Variants in ACTA2 observed in about 807,000 individuals in gnomAD.
ACTA2 encodes the protein actin, aortic smooth muscle.
ACTA2 carries 12 observed loss-of-function variants against 39.5 expected under a neutral mutation model. The observed-to-expected ratio is 0.30, with a 90% CI of 0.19 to 0.49. ACTA2 has a LOEUF of 0.49. Ranked by LOEUF, ACTA2 falls within the 20% of genes least tolerant of loss-of-function variation. The pLI is 0.99. For synonymous variants in ACTA2, 158 were observed against 180.6 expected, an observed-to-expected ratio of 0.88 and a Z score of 1.00; for missense variants, 236 against 498.8, an observed-to-expected ratio of 0.47 and a Z score of 5.02.
At chr10:88,991,207 G>C (rs1311884078) in exon 1 of ACTA2, 1 of 551,612 alleles carries the variant, frequency 1.8e-6, no homozygotes, top group African/African-American at 1.9e-5. Flanking sequence ...TGCGCTCCAC[G>C]TTGAGGTGGG....
intron 1 of ACTA2, among the ~76,000 whole-genome samples, chr10:88,963,177 G>T (rs926989056): frequency 6.6e-5 from 10 of 151,210 alleles, no homozygotes; most frequent in Non-Finnish European, 1.0e-4. Context: ...CTTGGGTGGG[G>T]ACACAGCCAA....
chr10:88,942,192 A>G (rs1845868234), intron 4 of ACTA2, among the ~76,000 whole-genome samples: 1 of 152,160 alleles, frequency 6.6e-6, no homozygotes, highest in Admixed American at 6.5e-5. Context: ...TAGTTGATTA[A>G]TAGTGGCTTT....
At chr10:88,981,710 G>A (rs1045157287) in intron 1 of ACTA2, among the ~76,000 whole-genome samples, 7 of 152,088 alleles carry the variant, frequency 4.6e-5, no homozygotes, top group Non-Finnish European at 7.4e-5. Flanking sequence ...TGGGGGAAAC[G>A]GTAGATAAAA....
chr10:88,988,436 TG>T (rs200881561), intron 1 of ACTA2, among the ~76,000 whole-genome samples: 2,058 of 10,134 alleles, frequency 0.2, 51 homozygotes, highest in South Asian at 0.37. Context: ...TTTTTTGTTT[TG>T]TTTTTTATCT....
chr10:88,935,077 C>A lies in ACTA2; in HGVS notation c.*146G>T. 1.7e-6 allele frequency: 2 copies of A among 1,183,888 alleles called. No homozygotes were observed. The highest frequency in any genetic ancestry group is 2.4e-6 in the Non-Finnish European group (2 of 825,536). The allele number at this position is 1,183,888 out of a possible 1,614,324, so 73.3% of individuals were successfully genotyped here. On this transcript the variant is annotated 3_prime_UTR_variant, in exon 9 of 9. Transcript: ENST00000224784. ...GATCGGAGGCCAACGCAAGAAGTTACCAGTAGCCTATTTCAGATTTATTAA... is the reference window on the plus strand; with the variant it reads ...GATCGGAGGCCAACGCAAGAAGTTAACAGTAGCCTATTTCAGATTTATTAA...
At chr10:88,958,523 GACACCAGA>G (rs1564651843) in intron 1 of ACTA2, among the ~76,000 whole-genome samples, 1 of 152,176 alleles carries the variant, frequency 6.6e-6, no homozygotes, top group Non-Finnish European at 1.5e-5. Flanking sequence ...AGACCCATCT[GACACCAGA>G]AATTGAGTTC....
chr10:88,975,576 C>A (rs980693238), intron 1 of ACTA2, among the ~76,000 whole-genome samples: 1 of 151,980 alleles, frequency 6.6e-6, no homozygotes, highest in African/African-American at 2.4e-5. Context: ...AATGTGTGGG[C>A]TCTGGGCTTA....
At position 88,938,094 on chromosome 10, in the gene ACTA2, G is replaced by A. The variant is rs777180369; in HGVS notation, c.957C>T (p.Ile319=). ...PGIADRMQKE[I]TALAPSTMKI... ...TCATGGTGCTGGGTGCTAGGGCCGT[G>A]ATCTCCTTCTGCATTCGGTCGGCAA... Residue 319 remains isoleucine, a synonymous_variant, in exon 8 of 9, where the codon ATC becomes ATT. Transcript: ENST00000224784. 9.9e-6 allele frequency: 16 copies of A among 1,614,002 alleles called. No individual in the cohort carries two copies. Among genetic ancestry groups the A allele is most frequent in the Non-Finnish European group, 1.3e-5 (15 of 1,179,910 alleles).
At chr10:88,984,682 T>C (rs1013778452) in intron 1 of ACTA2, among the ~76,000 whole-genome samples, 2 of 151,670 alleles carry the variant, frequency 1.3e-5, no homozygotes, top group African/African-American at 2.4e-5. Flanking sequence ...TTCTTATGTT[T>C]AGTTATTCAT....
At chr10:88,987,535 C>A (rs908347543) in intron 1 of ACTA2, among the ~76,000 whole-genome samples, 4 of 152,208 alleles carry the variant, frequency 2.6e-5, no homozygotes, top group Non-Finnish European at 4.4e-5. Context: ...GGGCCACAAG[C>A]TCCCTTCACA....
At chr10:88,957,800 C>T (rs1165505748) in intron 1 of ACTA2, among the ~76,000 whole-genome samples, 1 of 152,084 alleles carries the variant, frequency 6.6e-6, no homozygotes, top group African/African-American at 2.4e-5. Context: ...TGGAGTCTTG[C>T]TCTGTCACCC....
At position 88,990,853 on chromosome 10, in the gene ACTA2, A is replaced by G. The variant is rs1042765709; in HGVS notation, c.-24+86T>C. On this transcript the variant is annotated intron_variant, in intron 1 of 4. Transcript: ENST00000415557. This position sits in a 1 kb window ranked among gnomAD's most constrained non-coding sequence, Gnocchi z 4.9. ...AGTACGGAGTTGGGGAAGCTCTTTC[A>G]CTTCGGAGGATTGCTCAACAACCAT... 4 of 1,614,142 alleles carry G rather than the reference A, an allele frequency of 2.5e-6. No homozygotes were observed. The highest frequency in any genetic ancestry group is 2.5e-6 in the Non-Finnish European group (3 of 1,180,016).
chr10:88,980,584 C>T (rs562142842), intron 1 of ACTA2, among the ~76,000 whole-genome samples: 1 of 152,134 alleles, frequency 6.6e-6, no homozygotes, highest in African/African-American at 2.4e-5. Context: ...TTCCCTGAGG[C>T]CTAACACAGT....
At chr10:88,949,916 G>A (rs1286875105) in intron 1 of ACTA2, among the ~76,000 whole-genome samples, 1 of 151,932 alleles carries the variant, frequency 6.6e-6, no homozygotes, top group African/African-American at 2.4e-5. Context: ...TATATTGAAT[G>A]TGTATTTCTT....
At chr10:88,938,429 CTA>C in intron 7 of ACTA2, 187 bp from the exon 8 acceptor site, 1 of 651,686 alleles carries the variant, frequency 1.5e-6, no homozygotes, top group Non-Finnish European at 2.7e-6. Flanking sequence ...TGCCTGCCTT[CTA>C]ATGAGGAAGG....
At chr10:88,969,934 T>A (rs555595557) in intron 1 of ACTA2, among the ~76,000 whole-genome samples, 1 of 152,256 alleles carries the variant, frequency 6.6e-6, no homozygotes, top group Admixed American at 6.5e-5. Flanking sequence ...TTATGTTGAA[T>A]GAATGAATGA....
In ACTA2 at chr10:88,990,507, T is replaced by TCCTCACCCTGACTTCTC; in HGVS notation, c.-24+415_-24+431dup. 1 of 587,464 alleles carries TCCTCACCCTGACTTCTC rather than the reference T, an allele frequency of 1.7e-6. No individual in the cohort carries two copies. The highest frequency in any genetic ancestry group is 3.2e-6 in the Non-Finnish European group (1 of 311,782). 36.4% of individuals were successfully genotyped at this position (587,464 alleles called of 1,614,324 possible). On this transcript the variant is annotated intron_variant, in intron 1 of 4. Coordinates refer to the ACTA2 transcript ENST00000415557. This position sits in a 1 kb window ranked among gnomAD's most constrained non-coding sequence, Gnocchi z 4.9. The stretch of plus-strand genomic sequence containing the variant: ...ATTTGTGCAACGAACCCTGACTCCT[T>TCCTCACCCTGACTTCTC]CCTCACCCTGACTTCTCCCCCTCCC...
At chr10:88,955,016 CAAA>C (rs768193000), upstream of ACTA2, among the ~76,000 whole-genome samples, 1 of 73,214 alleles carries the variant, frequency 1.4e-5, no homozygotes. Flanking sequence ...TAGTGTCACA[CAAA>C]AAAAAAAAAA....
upstream of ACTA2, among the ~76,000 whole-genome samples, chr10:88,955,710 G>A (rs1206735925): frequency 6.6e-6 from 1 of 152,222 alleles, no homozygotes; most frequent in Non-Finnish European, 1.5e-5. Context: ...GAAGATCAGA[G>A]AGAAGATACA....
Sources: allele counts gnomAD v4.1 joint callset (sites outside exome capture counted in the v4.1 genomes callset), GRCh38; gene constraint gnomAD v4.1.1; non-coding constraint Gnocchi (gnomAD v3.1); transcripts MANE v1.5; gene names NCBI Gene and HGNC (gene_info 2026-07-23, HGNC 2026-07-21).